MAPT: variants seen among roughly 807,000 people sequenced by gnomAD.
MAPT encodes the protein microtubule associated protein tau, also known as microtubule-associated protein tau.
Under a neutral mutation model 67.9 loss-of-function variants are expected in MAPT, and 34 were observed. The observed-to-expected ratio is 0.50, with a 90% CI of 0.38 to 0.67. The LOEUF (loss-of-function observed/expected upper bound fraction) is 0.67, where lower values mean the gene tolerates loss of function less well. Ranked by LOEUF, MAPT falls within the 30% of genes least tolerant of loss-of-function variation. The pLI, the probability that MAPT is intolerant of heterozygous loss-of-function variation, is 0.00. For missense variants in MAPT, 881 were observed against 1,115.2 expected, an observed-to-expected ratio of 0.79 and a Z score of 2.99; for synonymous variants, 456 against 464.5, an observed-to-expected ratio of 0.98 and a Z score of 0.23.
rs774492328 is a variant in MAPT at position 46,025,584 on chromosome 17, C to G, written c.*1413C>G. The G allele has an allele frequency of 7.9e-5, 12 of 152,694 alleles. No individual in the cohort carries two copies. The highest frequency in any genetic ancestry group is 1.3e-4 in the Non-Finnish European group (9 of 68,100). 9.5% of individuals were successfully genotyped at this position (152,694 alleles called of 1,614,324 possible). On this transcript the variant is annotated 3_prime_UTR_variant, in exon 13 of 13. Transcript: ENST00000262410. ...GAATCTCATGATCTGATTCGGTTCC[C>G]TGTCTCCTCCTCCCGTCACAGATGT...
chr17:45,948,273 T>C (rs2068706364), intron 1 of MAPT, among the ~76,000 whole-genome samples: 1 of 152,142 alleles, frequency 6.6e-6, no homozygotes, highest in South Asian at 2.1e-4. Flanking sequence ...TCCAAAATAC[T>C]GGGATTAAGG....
chr17:45,947,861 T>C (rs993736363), intron 1 of MAPT, among the ~76,000 whole-genome samples: 2 of 152,204 alleles, frequency 1.3e-5, no homozygotes, highest in Non-Finnish European at 2.9e-5. Context: ...ATTTTTCTTT[T>C]AAATTTCAAA....
At chr17:45,919,151 A>G (rs1005356018) in intron 1 of MAPT, among the ~76,000 whole-genome samples, 2 of 151,954 alleles carry the variant, frequency 1.3e-5, no homozygotes, top group Admixed American at 1.3e-4. Context: ...TTGTTGTGGG[A>G]CTGGGAGTCT....
At chr17:45,963,443 C>T (rs1162568751) in intron 2 of MAPT, among the ~76,000 whole-genome samples, 2 of 152,030 alleles carry the variant, frequency 1.3e-5, no homozygotes, top group African/African-American at 2.4e-5. Context: ...CAAGGTTGGT[C>T]GAGGCTGTCT....
chr17:46,010,504 C>A lies in MAPT; in HGVS notation c.2091+102C>A. The stretch of plus-strand genomic sequence containing the variant: ...GAGACACTGCATAGAATAAATCCTT[C>A]TTGGGCTCTCAGGATCTGGCTGCGA... On this transcript the variant is annotated intron_variant, in intron 10 of 12. Transcript: ENST00000262410. This position sits in a 1 kb window ranked among gnomAD's most constrained non-coding sequence, Gnocchi z 4.7. The A allele has an allele frequency of 1.1e-6, 1 of 878,584 alleles. No individual in the cohort carries two copies. The highest frequency in any genetic ancestry group is 1.9e-6 in the Non-Finnish European group (1 of 537,822). 54.4% of individuals were successfully genotyped at this position (878,584 alleles called of 1,614,324 possible). A position where few individuals can be genotyped will look rare whatever the true frequency, so the allele number is the denominator to read the frequency against.
At chr17:45,963,070 A>G (rs2070633870) in intron 2 of MAPT, among the ~76,000 whole-genome samples, 1 of 152,220 alleles carries the variant, frequency 6.6e-6, no homozygotes, top group African/African-American at 2.4e-5. Flanking sequence ...TAGCTTATAA[A>G]TCAGTGGTAT....
chr17:45,905,858 C>G (rs1164283760), intron 1 of MAPT, among the ~76,000 whole-genome samples: 3 of 152,260 alleles, frequency 2.0e-5, no homozygotes, highest in Non-Finnish European at 1.5e-5. Context: ...CTTTGAGCTT[C>G]TCAGAAGTGC....
At chr17:45,978,526 C>A in intron 4 of MAPT, 86 bp downstream of exon 4, 1 of 1,092,312 alleles carries the variant, frequency 9.2e-7, no homozygotes, top group South Asian at 1.3e-5. Context: ...ATCATTTGGA[C>A]CTGAGCTCTA....
intron 3 of MAPT, among the ~76,000 whole-genome samples, chr17:45,972,572 T>C (rs1437715948): frequency 6.6e-6 from 1 of 152,206 alleles, no homozygotes; most frequent in African/African-American, 2.4e-5. Context: ...CCCAACTAAC[T>C]GTGGCATTTA....
In MAPT at chr17:46,025,583, C is replaced by CCTGT. The variant is rs2076773096; in HGVS notation, c.*1415_*1418dup. ...CGAATCTCATGATCTGATTCGGTTCCCTGTCTCCTCCTCCCGTCACAGATG... is the reference window on the plus strand; with the variant it reads ...CGAATCTCATGATCTGATTCGGTTCCCTGTCTGTCTCCTCCTCCCGTCACAGATG... On this transcript the variant is annotated 3_prime_UTR_variant, in exon 13 of 13. Transcript: ENST00000262410. 6.5e-6 allele frequency: 1 copy of CCTGT among 152,682 alleles called. No homozygotes were observed. The highest frequency in any genetic ancestry group is 2.4e-5 in the African/African-American group (1 of 41,456). 9.5% of individuals were successfully genotyped at this position (152,682 alleles called of 1,614,324 possible).
chr17:45,912,400 C>T (rs1199936993), intron 1 of MAPT, among the ~76,000 whole-genome samples: 2 of 152,144 alleles, frequency 1.3e-5, no homozygotes, highest in East Asian at 3.8e-4. Flanking sequence ...TGCAGTCACA[C>T]TCATCCTTGT....
At chr17:45,925,643 T>A (rs1344400175) in intron 1 of MAPT, among the ~76,000 whole-genome samples, 1 of 152,224 alleles carries the variant, frequency 6.6e-6, no homozygotes, top group Admixed American at 6.5e-5. Flanking sequence ...TAGAATAGTA[T>A]GTAGCCATTA....
intron 5 of MAPT, chr17:45,985,752 A>C: frequency 1.0e-6 from 1 of 985,020 alleles, no homozygotes; most frequent in Admixed American, 6.1e-5. Flanking sequence ...CACGTGAGTC[A>C]GATCCGCCTG....
chr17:45,972,875 G>A (rs2071866882), intron 3 of MAPT: 1 of 152,514 alleles, frequency 6.6e-6, no homozygotes, highest in Non-Finnish European at 1.5e-5. Context: ...CCAGAGCTGG[G>A]TCTTACGGCC....
chr17:45,947,383 C>CTTTTTT (rs374326954), intron 1 of MAPT, among the ~76,000 whole-genome samples: 2 of 138,442 alleles, frequency 1.4e-5, no homozygotes, highest in African/African-American at 2.6e-5. Context: ...CTTTCTTTTT[C>CTTTTTT]TTTTTTTTTT....
At chr17:45,999,541 G>T (rs753456930) in intron 9 of MAPT, 1 of 1,613,504 alleles carries the variant, frequency 6.2e-7, no homozygotes, top group Non-Finnish European at 8.5e-7. Context: ...CAGGAATGGG[G>T]CTGAGCAGGG....
At chr17:45,948,524 G>A (rs1270638787) in intron 1 of MAPT, among the ~76,000 whole-genome samples, 1 of 152,194 alleles carries the variant, frequency 6.6e-6, no homozygotes, top group Non-Finnish European at 1.5e-5. Flanking sequence ...CTTTAGTTCT[G>A]TTGGGCCAGC....
chr17:46,014,847 C>T (rs937980802), intron 11 of MAPT, among the ~76,000 whole-genome samples: 1 of 150,524 alleles, frequency 6.6e-6, no homozygotes, highest in Non-Finnish European at 1.5e-5. Context: ...CGCGCCACTG[C>T]ACTCCAGCCT....
At chr17:46,009,984 C>T (rs925948549) in intron 9 of MAPT, among the ~76,000 whole-genome samples, 1 of 152,226 alleles carries the variant, frequency 6.6e-6, no homozygotes, top group Non-Finnish European at 1.5e-5. Context: ...GGTGAACGCT[C>T]CCCTCTGGGG....
Sources: gnomAD v4.1 joint callset for allele counts (sites outside exome capture counted in the v4.1 genomes callset) on GRCh38, gnomAD v4.1.1 for gene constraint, Gnocchi (gnomAD v3.1) non-coding constraint, MANE v1.5 for transcripts, NCBI Gene and HGNC (gene_info 2026-07-23, HGNC 2026-07-21) for gene names.